The following DENND11 variants were observed in gnomAD, a reference collection of about 807,000 sequenced individuals.
The protein encoded by DENND11 is DENN domain-containing protein 11.
Under a neutral mutation model 49.2 loss-of-function variants are expected in DENND11, and 34 were observed. The observed-to-expected ratio is 0.69, with a 90% CI of 0.53 to 0.92. The LOEUF is 0.92. Among genes scored for constraint, DENND11 ranks in the 40% least tolerant of loss-of-function variants. The probability of loss-of-function intolerance (pLI) is 0.00; values close to 1 mark genes in which losing one functional copy is unlikely to be tolerated. For synonymous variants in DENND11, 238 were observed against 230.3 expected (o/e 1.03, Z -0.30); for missense variants, 475 against 581.6 (o/e 0.82, Z 1.88).
chr7:141,700,040 A>T (rs1228584915), intron 1 of DENND11, among the ~76,000 whole-genome samples: 1 of 152,198 alleles, frequency 6.6e-6, no homozygotes, highest in Non-Finnish European at 1.5e-5. Context: ...CAATTGATAG[A>T]TATCAATTGG....
Position 141,662,024 on chromosome 7 carries a change from T to C in DENND11, c.*632A>G, listed in dbSNP as rs1455873387. The C allele has an allele frequency of 1.3e-5, 2 of 152,340 alleles. No homozygotes were observed. The highest frequency in any genetic ancestry group is 3.4e-3 in the Middle Eastern group (1 of 294). 9.4% of individuals were successfully genotyped at this position (152,340 alleles called of 1,614,324 possible). A position where few individuals can be genotyped will look rare whatever the true frequency, so the allele number is the denominator to read the frequency against. ...GTTTCCAGGCTTCATTCTATAATTT[T>C]AGTTTTCAGCTCACTGATAAGCAAC... On this transcript the variant is annotated 3_prime_UTR_variant, in exon 9 of 9. Coordinates refer to ENST00000536163, the MANE Select transcript of DENND11 (RefSeq NM_001080392.2).
Position 141,660,772 on chromosome 7 carries a change from T to G in DENND11, c.*1884A>C, listed in dbSNP as rs917015106. On this transcript the variant is annotated 3_prime_UTR_variant, in exon 9 of 9. Transcript: ENST00000536163. ...CTTGACAGAAAGGACCCCTCAACCC[T>G]TGAGAGGCAAGAAGAGAGGGTTGCA... 1 of 152,492 alleles carries G rather than the reference T, an allele frequency of 6.6e-6. No homozygotes were observed. The highest frequency in any genetic ancestry group is 1.5e-5 in the Non-Finnish European group (1 of 68,010). 9.4% of individuals were successfully genotyped at this position (152,492 alleles called of 1,614,324 possible).
Position 141,665,985 on chromosome 7 carries a change from C to T in DENND11, c.820+302G>A, listed in dbSNP as rs1202651378. On this transcript the variant is annotated intron_variant, in intron 5 of 8. Coordinates refer to ENST00000536163, the MANE Select transcript of DENND11 (RefSeq NM_001080392.2). ...ACTCTGCTTCCACTGCAACCTCACACACATCAGAACCTTTACAACCCAATC... is the reference window on the plus strand; with the variant it reads ...ACTCTGCTTCCACTGCAACCTCACATACATCAGAACCTTTACAACCCAATC... 3.3e-5 allele frequency among the ~76,000 whole-genome samples: 5 copies of T among 151,570 alleles called. No individual in the cohort carries two copies. In the South Asian group the frequency reaches 6.3e-4, roughly 19 times the overall value.
At chr7:141,698,200 C>A (rs890683602) in intron 1 of DENND11, among the ~76,000 whole-genome samples, 1 of 152,216 alleles carries the variant, frequency 6.6e-6, no homozygotes, top group African/African-American at 2.4e-5. Context: ...CTCAGCCACA[C>A]GGTGATACCG....
intron 3 of DENND11, among the ~76,000 whole-genome samples, chr7:141,678,096 G>C (rs1026391071): frequency 2.0e-5 from 3 of 151,918 alleles, no homozygotes; most frequent in Admixed American, 2.0e-4. Flanking sequence ...CGAGTAGCTG[G>C]GACTACAGGT....
chr7:141,662,930 C>A, intron 8 of DENND11, 79 bp from the exon 9 acceptor site: 8 of 1,017,724 alleles, frequency 7.9e-6, no homozygotes, highest in South Asian at 1.9e-5. Context: ...TATGGGGAAC[C>A]AAAACTATAC....
intron 1 of DENND11, among the ~76,000 whole-genome samples, chr7:141,691,781 T>C (rs903221186): frequency 6.6e-6 from 1 of 152,246 alleles, no homozygotes; most frequent in African/African-American, 2.4e-5. Context: ...CCCTTATCTC[T>C]ACATATGATA....
In DENND11 at chr7:141,660,424, G is replaced by A. The variant is rs1451129895; in HGVS notation, c.*2232C>T. The A allele has an allele frequency of 2.0e-5, 3 of 152,202 alleles. No individual in the cohort carries two copies. Among genetic ancestry groups the A allele is most frequent in the Non-Finnish European group, 4.4e-5 (3 of 68,078 alleles). 9.4% of individuals were successfully genotyped at this position (152,202 alleles called of 1,614,324 possible). A position where few individuals can be genotyped will look rare whatever the true frequency, so the allele number is the denominator to read the frequency against. ...TGGAGATGTGAGACAGAAAGCTACC[G>A]AGACAAGCACAAAGTTAAGGGAACC... On this transcript the variant is annotated 3_prime_UTR_variant, in exon 9 of 9. Coordinates refer to ENST00000536163, the MANE Select transcript of DENND11 (RefSeq NM_001080392.2).
chr7:141,700,176 C>T (rs891055035), intron 1 of DENND11, among the ~76,000 whole-genome samples: 3 of 152,104 alleles, frequency 2.0e-5, no homozygotes, highest in South Asian at 4.1e-4. Context: ...TAAATCAGAC[C>T]GTGTGAATGT....
At chr7:141,693,829 A>T (rs1014962236) in intron 1 of DENND11, among the ~76,000 whole-genome samples, 7 of 152,184 alleles carry the variant, frequency 4.6e-5, no homozygotes, top group Admixed American at 6.5e-5. Context: ...ATAGGAAGGG[A>T]GGGATGAATA....
In DENND11 at chr7:141,680,529, C is replaced by T. The variant is rs373798871; in HGVS notation, c.527+4949G>A. ...ACCTTCCAAATTTTAGATGGACACA[C>T]GGACGCCCAGCTAAAGGCCACATTT... is the stretch of plus-strand genomic sequence containing the variant. On this transcript the variant is annotated intron_variant, in intron 3 of 8. Coordinates refer to ENST00000536163, the MANE Select transcript of DENND11 (RefSeq NM_001080392.2). Among the ~76,000 whole-genome samples, 3 of 151,882 alleles carry T rather than the reference C, an allele frequency of 2.0e-5. No individual in the cohort carries two copies. In the East Asian group the frequency reaches 5.9e-4, roughly 30 times the overall value.
intron 3 of DENND11, among the ~76,000 whole-genome samples, chr7:141,678,189 C>G (rs1302518988): frequency 6.6e-6 from 1 of 152,194 alleles, no homozygotes; most frequent in Non-Finnish European, 1.5e-5. Context: ...TCTCGAACTC[C>G]TGAGCTCAGG....
rs1798531065 is a variant in DENND11, at chr7:141,702,067, C to T, written c.87G>A (p.Ala29=). ...VSLPQAPQPQ[A]GGWGRGGGGG... ...CGCCGCCGCCCCGGCCCCAGCCTCC[C>T]GCCTGCGGCTGCGGGGCCTGCGGCA... Residue 29 remains alanine (A), a synonymous_variant, in exon 1 of 9, where the codon GCG becomes GCA. Coordinates refer to ENST00000536163, the MANE Select transcript of DENND11 (RefSeq NM_001080392.2). 6.1e-6 allele frequency: 6 copies of T among 988,594 alleles called. No homozygotes were observed. Among genetic ancestry groups the T allele is most frequent in the Non-Finnish European group, 7.2e-6 (6 of 833,568 alleles). 61.2% of individuals were successfully genotyped at this position (988,594 alleles called of 1,614,324 possible).
intron 3 of DENND11, among the ~76,000 whole-genome samples, chr7:141,677,280 G>A (rs889804747): frequency 2.6e-5 from 4 of 151,280 alleles, no homozygotes; most frequent in South Asian, 4.2e-4. Context: ...CCAGCTACTC[G>A]GGAGGCTGAG....
chr7:141,686,931 C>T (rs1798252865), intron 1 of DENND11, among the ~76,000 whole-genome samples: 1 of 152,150 alleles, frequency 6.6e-6, no homozygotes, highest in South Asian at 2.1e-4. Flanking sequence ...TCATTCTGCT[C>T]AACCACTTCC....
rs754249659 is a variant in DENND11 at position 141,686,661 on chromosome 7, G to T, written c.269-3C>A. On this transcript the variant is annotated splice_region_variant and splice_polypyrimidine_tract_variant and intron_variant, in intron 1 of 8. Transcript: ENST00000536163. ...TAAGCACCATTCTACCATGTTTCCT[G>T]CAGGAAAAGGAAGATGCAAGTTAAA... The T allele has an allele frequency of 1.2e-6, 2 of 1,603,270 alleles. No individual in the cohort carries two copies. The highest frequency in any genetic ancestry group is 8.5e-7 in the Non-Finnish European group (1 of 1,171,954).
In DENND11 at chr7:141,674,283, TCTG is replaced by T. The variant is rs908612701; in HGVS notation, c.528-66_528-64del. On this transcript the variant is annotated intron_variant, in intron 3 of 8. Transcript: ENST00000536163. ...CAGTGAGAACAGCCCTGGTCACAGC[TCTG>T]CTACCACTCCTACCCTCCGCCCACC... The T allele has an allele frequency of 1.8e-5, 27 of 1,467,924 alleles. No homozygotes were observed. The African/African-American group carries it at 3.6e-4, about 19-fold the overall frequency. The allele number at this position is 1,467,924 out of a possible 1,614,324, so 90.9% of individuals were successfully genotyped here. A position where few individuals can be genotyped will look rare whatever the true frequency, so the allele number is the denominator to read the frequency against.
rs377044867 is a variant in DENND11, at chr7:141,683,883, CAAAG to C, written c.527+1591_527+1594del. ...TAGTATTAATCATGCAAGATCCTTTCAAAGAAAGAAAAGTGCTTGATGGTAAAAT... is the reference window on the plus strand; with the variant it reads ...TAGTATTAATCATGCAAGATCCTTTCAAAGAAAAGTGCTTGATGGTAAAAT... On this transcript the variant is annotated intron_variant, in intron 3 of 8. Transcript: ENST00000536163. Among the ~76,000 whole-genome samples the C allele has an allele frequency of 2.5e-3, 374 of 152,288 alleles. 1 individual carries two copies. The highest frequency in any genetic ancestry group is 8.6e-3 in the African/African-American group (358 of 41,558).
rs187513784 is a variant in DENND11 at position 141,684,777 on chromosome 7, G to A, written c.527+701C>T. ...GTGGTAACATTTTGTCAGTGCTTCA[G>A]GGATTAGGGATAAATTTTCCCCTCA... On this transcript the variant is annotated intron_variant, in intron 3 of 8. Coordinates refer to ENST00000536163, the MANE Select transcript of DENND11 (RefSeq NM_001080392.2). Among the ~76,000 whole-genome samples the A allele has an allele frequency of 7.9e-5, 12 of 151,958 alleles. No individual in the cohort carries two copies. The East Asian group carries it at 2.3e-3, about 29-fold the overall frequency.
Sources: allele counts gnomAD v4.1 joint callset (sites outside exome capture counted in the v4.1 genomes callset), GRCh38; gene constraint gnomAD v4.1.1; transcripts MANE v1.5; gene names NCBI Gene and HGNC (gene_info 2026-07-23, HGNC 2026-07-21).